The following KANSL1 variants were observed in gnomAD, a reference collection of about 807,000 sequenced individuals.
KANSL1 encodes the protein MLL1/MLL complex subunit KANSL1.
KANSL1 carries 22 observed loss-of-function variants against 103.6 expected under a neutral mutation model. That is an observed-to-expected ratio of 0.21 (90% CI 0.15 to 0.30). The LOEUF (loss-of-function observed/expected upper bound fraction) is 0.30. KANSL1 is among the 10% of genes least tolerant of loss of function. The probability of loss-of-function intolerance (pLI) is 1.00; values close to 1 mark genes in which losing one functional copy is unlikely to be tolerated. For missense variants in KANSL1, 1,337 were observed against 1,399.8 expected (o/e 0.96, Z 0.72); for synonymous variants, 600 against 527.6 (o/e 1.14, Z -1.88).
At chr17:46,214,698 A>C (rs1181950281) in intron 1 of KANSL1, among the ~76,000 whole-genome samples, 1 of 152,108 alleles carries the variant, frequency 6.6e-6, no homozygotes. Context: ...AGGATAAAAG[A>C]CAAGAGCAAG....
At chr17:46,074,505 G>A (rs1341668116) in intron 4 of KANSL1, among the ~76,000 whole-genome samples, 1 of 152,042 alleles carries the variant, frequency 6.6e-6, no homozygotes, top group Non-Finnish European at 1.5e-5. Flanking sequence ...ATAAAATTAT[G>A]AGTAAAAATA....
chr17:46,171,716 G>A lies in KANSL1; in HGVS notation c.428C>T (p.Thr143Met), dbSNP rs983743854. The A allele has an allele frequency of 4.5e-6, 7 of 1,566,642 alleles. No homozygotes were observed. Among genetic ancestry groups the A allele is most frequent in the Non-Finnish European group, 5.2e-6 (6 of 1,160,446 alleles). Residue 143 changes from threonine to methionine, a missense_variant, in exon 2 of 15, where the codon ACG (threonine) becomes ATG (methionine). Coordinates refer to ENST00000432791, the MANE Select transcript of KANSL1 (RefSeq NM_015443.4). ...FSLENLRTMN[T>M]SGQTALPQAP... is the part of the protein sequence containing the mutation. ...TTGTGGCAGAGCTGTCTGACCACTC[G>A]TATTCATGGTTCTAAGATTTTCTAA...
intron 2 of KANSL1, among the ~76,000 whole-genome samples, chr17:46,158,808 TG>T (rs1479189104): frequency 6.6e-6 from 1 of 152,220 alleles, no homozygotes; most frequent in African/African-American, 2.4e-5. Context: ...CACAAAGTGC[TG>T]GGATTACAGG....
intron 3 of KANSL1, among the ~76,000 whole-genome samples, chr17:46,088,089 G>C (rs1282643081): frequency 3.9e-5 from 6 of 152,202 alleles, no homozygotes; most frequent in African/African-American, 1.4e-4. Flanking sequence ...CCAGGATCAT[G>C]CTTAGGCTGC....
intron 1 of KANSL1, among the ~76,000 whole-genome samples, chr17:46,174,787 G>C (rs1372307595): frequency 6.6e-6 from 1 of 152,188 alleles, no homozygotes; most frequent in Non-Finnish European, 1.5e-5. Context: ...TGATCCTCCT[G>C]CATCAGCCTC....
chr17:46,205,451 GCA>G (rs1437426867), intron 1 of KANSL1, among the ~76,000 whole-genome samples: 499 of 130,926 alleles, frequency 3.8e-3, no homozygotes, highest in Middle Eastern at 0.026. Context: ...GGAGGCCGAG[GCA>G]GGCGGATCAC....
intron 1 of KANSL1, among the ~76,000 whole-genome samples, chr17:46,179,263 C>T (rs536213097): frequency 5.9e-5 from 9 of 152,274 alleles, no homozygotes; most frequent in African/African-American, 1.7e-4. Context: ...CAAAACGTAT[C>T]CAGCTGCTTC....
chr17:46,163,400 T>C (rs1356706887), intron 2 of KANSL1, among the ~76,000 whole-genome samples: 1 of 152,224 alleles, frequency 6.6e-6, no homozygotes, highest in Non-Finnish European at 1.5e-5. Flanking sequence ...TCTCACTTTG[T>C]CGCCCATGCT....
rs568351862 is a variant in KANSL1, at chr17:46,066,227, C to T, written c.1848+310G>A. Among the ~76,000 whole-genome samples, 3 of 152,268 alleles carry T rather than the reference C, an allele frequency of 2.0e-5. No individual in the cohort carries two copies. In the East Asian group the frequency reaches 5.8e-4, roughly 29 times the overall value. On this transcript the variant is annotated intron_variant, in intron 6 of 14. Coordinates refer to ENST00000432791, the MANE Select transcript of KANSL1 (RefSeq NM_015443.4). The stretch of plus-strand genomic sequence containing the variant: ...TGATAACAGTGAAGGTGAGAGGGCA[C>T]ACTATTCTCCTTCAAAGTGTTAAGG...
Position 46,121,666 on chromosome 17 carries a change from A to AC in KANSL1, c.1290-26966dup, listed in dbSNP as rs35674001. 3.8e-3 allele frequency among the ~76,000 whole-genome samples: 548 copies of AC among 145,112 alleles called. 6 individuals carry two copies. In the East Asian group the frequency reaches 0.048, roughly 13 times the overall value. ...TATATTCTACTTTGTTATTTTATTG[A>AC]CCCCCCCACCCCACTAGAAAATAAA... On this transcript the variant is annotated intron_variant, in intron 2 of 14. Coordinates refer to ENST00000432791, the MANE Select transcript of KANSL1 (RefSeq NM_015443.4).
At chr17:46,158,140 C>T (rs2045531482) in intron 2 of KANSL1, among the ~76,000 whole-genome samples, 1 of 152,174 alleles carries the variant, frequency 6.6e-6, no homozygotes, top group Non-Finnish European at 1.5e-5. Context: ...TGAAATTCTG[C>T]CTTTGACATT....
At chr17:46,154,121 G>A (rs910652129) in intron 2 of KANSL1, among the ~76,000 whole-genome samples, 1 of 152,220 alleles carries the variant, frequency 6.6e-6, no homozygotes, top group African/African-American at 2.4e-5. Context: ...GCAGGAGTGG[G>A]AGTACAAAAG....
At chr17:46,033,368 C>A (rs1299678477) in intron 12 of KANSL1, 35 bp downstream of exon 12, 5 of 1,601,138 alleles carry the variant, frequency 3.1e-6, no homozygotes, top group Non-Finnish European at 4.3e-6. Flanking sequence ...CATGTGTACA[C>A]ACGTGTTCTT....
At chr17:46,061,501 T>C (rs1341593850) in intron 6 of KANSL1, among the ~76,000 whole-genome samples, 3 of 152,096 alleles carry the variant, frequency 2.0e-5, no homozygotes, top group African/African-American at 7.2e-5. Flanking sequence ...ACATCCACCA[T>C]ACTAGACCCC....
At chr17:46,160,240 A>G (rs532732480) in intron 2 of KANSL1, among the ~76,000 whole-genome samples, 78 of 152,360 alleles carry the variant, frequency 5.1e-4, no homozygotes, top group African/African-American at 1.7e-3. Flanking sequence ...TTTTTTAAAA[A>G]AAATAACTTC....
chr17:46,031,799 G>T, intron 14 of KANSL1, 96 bp from the exon 15 acceptor site: 1 of 1,221,406 alleles, frequency 8.2e-7, no homozygotes, highest in South Asian at 1.4e-5. Flanking sequence ...TGGAGCCTAG[G>T]ACCAGTCTAT....
At chr17:46,079,788 G>A (rs1369655464) in intron 4 of KANSL1, among the ~76,000 whole-genome samples, 1 of 152,106 alleles carries the variant, frequency 6.6e-6, no homozygotes, top group Non-Finnish European at 1.5e-5. Context: ...ACCAGCCTGG[G>A]CAACTTGGTA....
intron 4 of KANSL1, among the ~76,000 whole-genome samples, chr17:46,067,878 G>C (rs1170060046): frequency 6.6e-6 from 1 of 152,164 alleles, no homozygotes; most frequent in Admixed American, 6.5e-5. Flanking sequence ...GGGAGGCCAA[G>C]GCAGGAGGAT....
At chr17:46,039,347 G>T in intron 8 of KANSL1, 132 bp from the exon 9 acceptor site, 1 of 803,358 alleles carries the variant, frequency 1.2e-6, no homozygotes, top group Non-Finnish European at 1.9e-6. Context: ...CTTCAGGACT[G>T]AAGTTTCTAG....
Sources: gnomAD v4.1 joint callset for allele counts (sites outside exome capture counted in the v4.1 genomes callset) on GRCh38, gnomAD v4.1.1 for gene constraint, MANE v1.5 for transcripts, NCBI Gene and HGNC (gene_info 2026-07-23, HGNC 2026-07-21) for gene names.